UBE2E2: variants seen among roughly 807,000 people sequenced by gnomAD.
The protein encoded by UBE2E2 is ubiquitin conjugating enzyme E2 E2.
In UBE2E2, 6 loss-of-function variants were observed where a neutral mutation model predicts 24.7. The ratio of observed to expected loss-of-function variants is 0.24; its 90% CI spans 0.13 to 0.48. The LOEUF (loss-of-function observed/expected upper bound fraction) is 0.48, where lower values mean the gene tolerates loss of function less well. Among genes scored for constraint, UBE2E2 ranks in the 20% least tolerant of loss-of-function variants. UBE2E2 has a pLI of 0.99. For missense variants in UBE2E2, 169 were observed against 245.0 expected (o/e 0.69, Z 2.07); for synonymous variants, 104 against 83.6 (o/e 1.24, Z -1.33).
At chr3:23,521,641 C>T (rs1198170607) in intron 4 of UBE2E2, among the ~76,000 whole-genome samples, 14 of 152,180 alleles carry the variant, frequency 9.2e-5, no homozygotes, top group Admixed American at 8.5e-4. Flanking sequence ...TCATCCAATC[C>T]GGGCCCAGGA....
chr3:23,493,624 A>G (rs1401659047), intron 3 of UBE2E2, among the ~76,000 whole-genome samples: 1 of 152,230 alleles, frequency 6.6e-6, no homozygotes, highest in Non-Finnish European at 1.5e-5. Flanking sequence ...TAATAACCTA[A>G]TACCTGAAAA....
intron 3 of UBE2E2, among the ~76,000 whole-genome samples, chr3:23,302,309 C>G (rs1699120119): frequency 6.6e-6 from 1 of 152,212 alleles, no homozygotes. Flanking sequence ...CTTACCCTAT[C>G]CAACCATATT....
chr3:23,261,362 A>G (rs1181940319), intron 3 of UBE2E2, among the ~76,000 whole-genome samples: 1 of 152,166 alleles, frequency 6.6e-6, no homozygotes, highest in Non-Finnish European at 1.5e-5. Context: ...TATTTAAGGT[A>G]TATGACATGG....
intron 3 of UBE2E2, among the ~76,000 whole-genome samples, chr3:23,328,760 C>G (rs1444398973): frequency 6.6e-6 from 1 of 151,516 alleles, no homozygotes; most frequent in African/African-American, 2.4e-5. Context: ...CTCCTAGATT[C>G]AAGCGATTCT....
chr3:23,554,369 GC>G (rs1695723143), intron 5 of UBE2E2, among the ~76,000 whole-genome samples: 1 of 152,130 alleles, frequency 6.6e-6, no homozygotes, highest in Non-Finnish European at 1.5e-5. Flanking sequence ...ATGAAATTGA[GC>G]CAGGCACAGT....
At chr3:23,580,894 C>T (rs1696461622) in intron 5 of UBE2E2, among the ~76,000 whole-genome samples, 1 of 151,760 alleles carries the variant, frequency 6.6e-6, no homozygotes, top group Admixed American at 6.6e-5. Flanking sequence ...TCAGATGTCC[C>T]AGAAAATATC....
At chr3:23,564,283 T>G (rs1275918879) in intron 5 of UBE2E2, among the ~76,000 whole-genome samples, 1 of 152,172 alleles carries the variant, frequency 6.6e-6, no homozygotes, top group Non-Finnish European at 1.5e-5. Flanking sequence ...ATACACAGCA[T>G]ATTTACATTG....
At chr3:23,384,455 C>T (rs1398386987) in intron 3 of UBE2E2, among the ~76,000 whole-genome samples, 4 of 152,094 alleles carry the variant, frequency 2.6e-5, no homozygotes, top group Non-Finnish European at 4.4e-5. Flanking sequence ...TGAGCCACTG[C>T]GCCTGACCTT....
chr3:23,447,569 C>A lies in UBE2E2; in HGVS notation c.228-52039C>A, dbSNP rs1698464190. Among the ~76,000 whole-genome samples, 2 of 152,158 alleles carry A rather than the reference C, an allele frequency of 1.3e-5. 1 individual carries two copies. The highest frequency in any genetic ancestry group is 4.1e-4 in the South Asian group (2 of 4,828). ...ATGCTCTTGATGGCACAAAGGACTA[C>A]ATTTTGTGGAAAAACAATTATCTCT... On this transcript the variant is annotated intron_variant, in intron 3 of 5. Transcript: ENST00000396703.
chr3:23,351,749 A>G (rs898470961), intron 3 of UBE2E2, among the ~76,000 whole-genome samples: 2 of 152,130 alleles, frequency 1.3e-5, no homozygotes, highest in Non-Finnish European at 2.9e-5. Flanking sequence ...CCTTAGTGAC[A>G]TACAAAGAGA....
chr3:23,284,056 T>G (rs1034868844), intron 3 of UBE2E2, among the ~76,000 whole-genome samples: 4 of 152,204 alleles, frequency 2.6e-5, no homozygotes, highest in Non-Finnish European at 4.4e-5. Flanking sequence ...TTGTGAGTAA[T>G]TAATTATAGC....
chr3:23,479,215 G>A lies in UBE2E2; in HGVS notation c.228-20393G>A, dbSNP rs181575118. 5.4e-3 allele frequency among the ~76,000 whole-genome samples: 819 copies of A among 152,286 alleles called. 12 individuals are homozygous for A. Among genetic ancestry groups the A allele is most frequent in the African/African-American group, 0.018 (761 of 41,556 alleles). ...CATCTGCCAAGGGTGAGCCAGGCACGGAGCAGTGAGAGGTGTGTGAGCAAA... is the reference window on the plus strand; with the variant it reads ...CATCTGCCAAGGGTGAGCCAGGCACAGAGCAGTGAGAGGTGTGTGAGCAAA... On this transcript the variant is annotated intron_variant, in intron 3 of 5. Coordinates refer to ENST00000396703, the MANE Select transcript of UBE2E2 (RefSeq NM_152653.4).
chr3:23,363,841 C>T (rs903153942), intron 3 of UBE2E2, among the ~76,000 whole-genome samples: 4 of 151,898 alleles, frequency 2.6e-5, no homozygotes, highest in African/African-American at 7.3e-5. Context: ...ACAAGATATA[C>T]ATTCTTCTCA....
At chr3:23,283,163 C>A (rs1698526214) in intron 3 of UBE2E2, among the ~76,000 whole-genome samples, 8 of 151,992 alleles carry the variant, frequency 5.3e-5, no homozygotes, top group Admixed American at 5.2e-4. Flanking sequence ...CCTGTAAGTT[C>A]AGGTTAGTAG....
At chr3:23,241,373 C>T (rs766645821) in intron 3 of UBE2E2, among the ~76,000 whole-genome samples, 31 of 152,280 alleles carry the variant, frequency 2.0e-4, no homozygotes, top group Middle Eastern at 3.4e-3. Context: ...AATATGACAG[C>T]CAGAATGATC....
At chr3:23,273,048 C>T (rs35096750) in intron 3 of UBE2E2, among the ~76,000 whole-genome samples, 9,708 of 152,172 alleles carry the variant, frequency 0.064, 491 homozygotes, top group Non-Finnish European at 0.092. Flanking sequence ...CTGTTTATCT[C>T]ATCAAAAAAC....
chr3:23,382,542 G>A (rs988925509), intron 3 of UBE2E2, among the ~76,000 whole-genome samples: 2 of 152,170 alleles, frequency 1.3e-5, no homozygotes, highest in African/African-American at 4.8e-5. Context: ...ATATTTGGGA[G>A]AGAAGTTGAT....
chr3:23,537,061 A>T lies in UBE2E2; in HGVS notation c.508+4360A>T, dbSNP rs190605127. Among the ~76,000 whole-genome samples the T allele has an allele frequency of 4.2e-3, 633 of 152,214 alleles. 1 individual carries two copies. Among genetic ancestry groups the T allele is most frequent in the Admixed American group, 8.0e-3 (123 of 15,302 alleles). On this transcript the variant is annotated intron_variant, in intron 5 of 5. Coordinates refer to ENST00000396703, the MANE Select transcript of UBE2E2 (RefSeq NM_152653.4). ...TTGCTTGAAGTTGCAGTTTCCAAGAACCTATCAGCCACATTAAGTGAGGAC... is the reference window on the plus strand; with the variant it reads ...TTGCTTGAAGTTGCAGTTTCCAAGATCCTATCAGCCACATTAAGTGAGGAC...
intron 5 of UBE2E2, among the ~76,000 whole-genome samples, chr3:23,563,127 G>A (rs1695977115): frequency 1.3e-5 from 2 of 152,010 alleles, no homozygotes; most frequent in Admixed American, 1.3e-4. Context: ...GAATGTGTTT[G>A]CTCTTGCTTC....
Sources: gnomAD v4.1 joint callset for allele counts (sites outside exome capture counted in the v4.1 genomes callset) on GRCh38, gnomAD v4.1.1 for gene constraint, MANE v1.5 for transcripts, NCBI Gene and HGNC (gene_info 2026-07-23, HGNC 2026-07-21) for gene names.